Variants in C5orf34 observed in about 807,000 individuals in gnomAD.
C5orf34 encodes uncharacterized protein C5orf34.
In C5orf34, 73 loss-of-function variants were observed where a neutral mutation model predicts 78.4. That is an observed-to-expected ratio of 0.93 (90% CI 0.77 to 1.13). C5orf34 has a LOEUF of 1.13. C5orf34 is among the 50% of genes most tolerant of loss of function. The probability of loss-of-function intolerance (pLI) is 0.00; values close to 1 mark genes in which losing one functional copy is unlikely to be tolerated. For missense variants in C5orf34, 730 were observed against 732.7 expected (o/e 1.00, Z 0.04); for synonymous variants, 251 against 246.6 (o/e 1.02, Z -0.17).
chr5:43,502,292 A>G, intron 6 of C5orf34, 80 bp downstream of exon 6: 1 of 1,457,800 alleles, frequency 6.9e-7, no homozygotes, highest in Non-Finnish European at 9.5e-7. Context: ...TAATGACCAA[A>G]TTTCCCATAT....
Position 43,505,751 on chromosome 5 carries a change from T to C in C5orf34, c.929A>G (p.His310Arg), listed in dbSNP as rs765996871. ...LSLSCPVPHL[H>R]RWNFCDSLLQ... ...CCAATAGCCATTACTGCATTACCTG[T>C]GTAGGTGTGGGACTGGACAGCTGAG... Residue 310 changes from histidine to arginine, a missense_variant, in exon 4 of 13, where the codon CAC becomes CGC. By Grantham distance (29) the His-to-Arg change is conservative (BLOSUM62 0). Transcript: ENST00000306862. 2 of 1,561,038 alleles carry C rather than the reference T, an allele frequency of 1.3e-6. No homozygotes were observed. Among genetic ancestry groups the C allele is most frequent in the Non-Finnish European group, 1.7e-6 (2 of 1,154,260 alleles).
rs747179180 is a variant in C5orf34 at position 43,502,394 on chromosome 5, GAAT to G, written c.1127_1129del (p.Tyr376del). ...TACCTTTCCTGATCCTTCTTGAATAGAATAATAAGTAAAATAGTTCCCAAAATA... is the reference window on the plus strand; with the variant it reads ...TACCTTTCCTGATCCTTCTTGAATAGAATAAGTAAAATAGTTCCCAAAATA... On this transcript the variant is annotated inframe_deletion, in exon 6 of 13. Coordinates refer to ENST00000306862, the MANE Select transcript of C5orf34 (RefSeq NM_198566.4). 1.2e-6 allele frequency: 2 copies of G among 1,611,516 alleles called. No individual in the cohort carries two copies. The highest frequency in any genetic ancestry group is 1.7e-6 in the Non-Finnish European group (2 of 1,178,872).
intron 1 of C5orf34, 24 bp downstream of exon 1, chr5:43,514,782 A>C (rs765654122): frequency 2.0e-5 from 3 of 152,314 alleles, no homozygotes; most frequent in East Asian, 1.9e-4. Flanking sequence ...TGATCAAAAC[A>C]ACCACCAAAA....
At chr5:43,490,021 T>C (rs1325614564) in intron 11 of C5orf34, among the ~76,000 whole-genome samples, 1 of 152,162 alleles carries the variant, frequency 6.6e-6, no homozygotes, top group African/African-American at 2.4e-5. Context: ...ATAGATAGCA[T>C]ATGTTCCATA....
In C5orf34 at chr5:43,506,378, A is replaced by G; in HGVS notation, c.302T>C (p.Ile101Thr). Reference protein sequence around the residue: ...SERKKHIFIDITEVRWPSLDT... With the variant: ...SERKKHIFIDTTEVRWPSLDT... ...AAGACTGGGCCATCTCACTTCTGTTATGTCAATGAAGATATGCTGCAAGGA... is the reference window on the plus strand; with the variant it reads ...AAGACTGGGCCATCTCACTTCTGTTGTGTCAATGAAGATATGCTGCAAGGA... The change falls in exon 4 of 13, where the codon ATA becomes ACA. Residue 101 changes from isoleucine (I) to threonine (T), a missense_variant. Coordinates refer to ENST00000306862, the MANE Select transcript of C5orf34 (RefSeq NM_198566.4). 6.2e-7 allele frequency: 1 copy of G among 1,604,940 alleles called. No homozygotes were observed. Among genetic ancestry groups the G allele is most frequent in the Non-Finnish European group, 8.5e-7 (1 of 1,175,022 alleles).
In C5orf34 at chr5:43,490,707, A is replaced by G. The variant is rs1745247776; in HGVS notation, c.1603T>C (p.Trp535Arg). The G allele has an allele frequency of 6.2e-7, 1 of 1,603,756 alleles. No homozygotes were observed. The highest frequency in any genetic ancestry group is 8.5e-7 in the Non-Finnish European group (1 of 1,171,338). The change falls in exon 11 of 13, where the codon TGG becomes CGG. Residue 535 changes from tryptophan (W) to arginine (R), a missense_variant. Coordinates refer to ENST00000306862, the MANE Select transcript of C5orf34 (RefSeq NM_198566.4). ...CTAGTCTGGGTCAGTCTCCTGCACC[A>G]TGATGTTACTGTTGTCACATATCTA... ...YERYVTTVTS[W>R]CRRLTQTSPR...
rs1052056393 is a variant in C5orf34 at position 43,509,038 on chromosome 5, G to A, written c.195+107C>T. The A allele has an allele frequency of 2.2e-5, 18 of 814,912 alleles. No individual in the cohort carries two copies. In the East Asian group the frequency reaches 2.8e-4, roughly 12 times the overall value. The allele number at this position is 814,912 out of a possible 1,614,324, so 50.5% of individuals were successfully genotyped here. A position where few individuals can be genotyped will look rare whatever the true frequency, so the allele number is the denominator to read the frequency against. On this transcript the variant is annotated intron_variant, in intron 2 of 12. Coordinates refer to ENST00000306862, the MANE Select transcript of C5orf34 (RefSeq NM_198566.4). Reference sequence around the variant, plus strand: ...GAGAATCACTTGAGCCTAGGTGTTCGAGGCTGCAGTGAGCTATGGTAGTGC... The same window carrying A: ...GAGAATCACTTGAGCCTAGGTGTTCAAGGCTGCAGTGAGCTATGGTAGTGC...
In C5orf34 at chr5:43,490,675, T is replaced by A. The variant is rs1745245506; in HGVS notation, c.1635A>T (p.Arg545Ser). ...AAGATGACGAATGAGTGGGCATCTC[T>A]CTGGGACTAGTCTGGGTCAGTCTCC... ...WCRRLTQTSPREMPTHSSSSV... is the reference protein window; with the variant it reads ...WCRRLTQTSPSEMPTHSSSSV... Residue 545 changes from arginine to serine, a missense_variant, in exon 11 of 13, where the codon AGA (arginine) becomes AGT (serine). Arg to Ser is a moderately radical substitution (Grantham distance 110). Coordinates refer to ENST00000306862, the MANE Select transcript of C5orf34 (RefSeq NM_198566.4). The A allele has an allele frequency of 8.7e-6, 14 of 1,611,892 alleles. No homozygotes were observed. The highest frequency in any genetic ancestry group is 1.3e-5 in the African/African-American group (1 of 74,856).
intron 6 of C5orf34, chr5:43,495,995 A>T: frequency 6.3e-7 from 1 of 1,591,222 alleles, no homozygotes; most frequent in Non-Finnish European, 8.5e-7. Context: ...AGTGGAATCC[A>T]TTTTGTTAAC....
At chr5:43,506,453 A>G (rs2112322527) in intron 3 of C5orf34, 59 bp from the exon 4 acceptor site, 1 of 1,455,026 alleles carries the variant, frequency 6.9e-7, no homozygotes, top group Non-Finnish European at 9.2e-7. Flanking sequence ...CAATTTTTCC[A>G]TATATTTGAT....
chr5:43,506,250 T>C lies in C5orf34; in HGVS notation c.430A>G (p.Thr144Ala). Reference protein sequence around the residue: ...LCLPRSQHEFTVHFLCKVSQK... With the variant: ...LCLPRSQHEFAVHFLCKVSQK... ...CTAACTTTACACAAAAAATGTACTG[T>C]AAATTCATGCTGAGATCTGGGCAGG... The change falls in exon 4 of 13, where the codon ACA becomes GCA. Residue 144 changes from threonine to alanine, a missense_variant. Transcript: ENST00000306862. 6.2e-7 allele frequency: 1 copy of C among 1,614,206 alleles called. No homozygotes were observed. Among genetic ancestry groups the C allele is most frequent in the Non-Finnish European group, 8.5e-7 (1 of 1,180,046 alleles).
intron 7 of C5orf34, 97 bp downstream of exon 7, chr5:43,494,413 G>T: frequency 8.4e-6 from 6 of 714,884 alleles, no homozygotes; most frequent in Non-Finnish European, 1.1e-5. Context: ...TATTTCCATT[G>T]TACCTGCCAA....
intron 1 of C5orf34, among the ~76,000 whole-genome samples, chr5:43,509,961 G>A (rs1394738503): frequency 2.0e-5 from 3 of 152,012 alleles, no homozygotes; most frequent in Non-Finnish European, 4.4e-5. Context: ...TACCATATTG[G>A]TCAGGCTGGT....
chr5:43,495,992 T>A, intron 6 of C5orf34: 1 of 1,591,230 alleles, frequency 6.3e-7, no homozygotes, highest in South Asian at 1.1e-5. Context: ...CTCAGTGGAA[T>A]CCATTTTGTT....
intron 3 of C5orf34, among the ~76,000 whole-genome samples, chr5:43,507,048 T>C (rs1330848877): frequency 6.6e-6 from 1 of 152,072 alleles, no homozygotes; most frequent in East Asian, 1.9e-4. Flanking sequence ...ATGAACCAAA[T>C]AAGGTAACAT....
At chr5:43,494,689 A>G (rs978171349) in intron 6 of C5orf34, 88 bp from the exon 7 acceptor site, 1 of 655,800 alleles carries the variant, frequency 1.5e-6, no homozygotes. Flanking sequence ...ATGTTTTTAC[A>G]ATAGTGACAA....
At chr5:43,504,238 C>T (rs956598483) in intron 4 of C5orf34, among the ~76,000 whole-genome samples, 4 of 149,314 alleles carry the variant, frequency 2.7e-5, no homozygotes, top group African/African-American at 5.0e-5. Context: ...ACCCGGGAGG[C>T]GGAGGTTGCA....
At chr5:43,505,227 G>A (rs1007157923) in intron 4 of C5orf34, among the ~76,000 whole-genome samples, 5 of 152,182 alleles carry the variant, frequency 3.3e-5, no homozygotes, top group Admixed American at 6.5e-5. Flanking sequence ...AAGCCACTCC[G>A]TGTGTACCCC....
intron 6 of C5orf34, among the ~76,000 whole-genome samples, chr5:43,500,392 T>C (rs1371556384): frequency 6.6e-6 from 1 of 152,168 alleles, no homozygotes; most frequent in Non-Finnish European, 1.5e-5. Context: ...TAAAATTTTC[T>C]TTTAATTAAA....
Sources: gnomAD v4.1 joint callset for allele counts (sites outside exome capture counted in the v4.1 genomes callset) on GRCh38, gnomAD v4.1.1 for gene constraint, MANE v1.5 for transcripts, NCBI Gene and HGNC (gene_info 2026-07-23, HGNC 2026-07-21) for gene names.